Variants in LRRTM4 observed in about 807,000 individuals in gnomAD.
LRRTM4 encodes leucine-rich repeat transmembrane neuronal protein 4.
A neutral mutation model predicts 47.6 loss-of-function variants in LRRTM4; 25 were observed. The ratio of observed to expected loss-of-function variants is 0.53; its 90% confidence interval spans 0.38 to 0.73. The LOEUF (loss-of-function observed/expected upper bound fraction) is 0.73, where lower values mean the gene tolerates loss of function less well. Ranked by LOEUF, LRRTM4 falls within the 30% of genes least tolerant of loss-of-function variation. The pLI is 0.00. For synonymous variants in LRRTM4, 311 were observed against 269.5 expected, an observed-to-expected ratio of 1.15 and a Z score of -1.51; for missense variants, 638 against 713.4, an observed-to-expected ratio of 0.89 and a Z score of 1.20.
intron 3 of LRRTM4, among the ~76,000 whole-genome samples, chr2:77,479,688 C>A (rs1256708448): frequency 6.6e-6 from 1 of 152,118 alleles, no homozygotes; most frequent in African/African-American, 2.4e-5. Flanking sequence ...TTCTCTCTCT[C>A]TCTCTTTTTC....
At chr2:76,863,261 G>A (rs769760686) in intron 3 of LRRTM4, among the ~76,000 whole-genome samples, 1 of 151,906 alleles carries the variant, frequency 6.6e-6, no homozygotes, top group Non-Finnish European at 1.5e-5. Flanking sequence ...AGGTACTTAT[G>A]ACTGTTTTGA....
intron 3 of LRRTM4, among the ~76,000 whole-genome samples, chr2:77,123,510 T>C (rs762936122): frequency 2.0e-5 from 3 of 152,108 alleles, no homozygotes; most frequent in Non-Finnish European, 2.9e-5. Context: ...ATAACAGTGA[T>C]GTTAAGAACC....
chr2:77,432,352 C>T (rs1675414979), intron 3 of LRRTM4, among the ~76,000 whole-genome samples: 1 of 152,142 alleles, frequency 6.6e-6, no homozygotes, highest in Non-Finnish European at 1.5e-5. Context: ...CGTCGATTAG[C>T]TTTCAACATA....
At chr2:77,337,105 GTAAT>G (rs919948550) in intron 3 of LRRTM4, among the ~76,000 whole-genome samples, 12 of 152,140 alleles carry the variant, frequency 7.9e-5, no homozygotes, top group Admixed American at 3.3e-4. Flanking sequence ...ATTTAAGACT[GTAAT>G]TACATTTACA....
intron 3 of LRRTM4, among the ~76,000 whole-genome samples, chr2:77,170,521 A>G (rs533148790): frequency 2.9e-4 from 44 of 152,300 alleles, no homozygotes; most frequent in African/African-American, 1.0e-3. Flanking sequence ...CTTCTCACCA[A>G]TGGAGATCTT....
intron 3 of LRRTM4, among the ~76,000 whole-genome samples, chr2:76,865,414 C>A (rs994395176): frequency 6.6e-6 from 1 of 152,126 alleles, no homozygotes; most frequent in Non-Finnish European, 1.5e-5. Context: ...AGCTCAATGG[C>A]TATTTTTGAA....
intron 3 of LRRTM4, among the ~76,000 whole-genome samples, chr2:77,503,941 G>A (rs1678668784): frequency 6.6e-6 from 1 of 151,606 alleles, no homozygotes; most frequent in African/African-American, 2.4e-5. Flanking sequence ...ATGGCATAGT[G>A]GGCTCTAATG....
intron 3 of LRRTM4, among the ~76,000 whole-genome samples, chr2:77,143,777 A>G (rs1023913424): frequency 3.3e-5 from 5 of 152,198 alleles, no homozygotes; most frequent in African/African-American, 1.2e-4. Flanking sequence ...CAAAATCACT[A>G]GAGGATTTTT....
intron 3 of LRRTM4, among the ~76,000 whole-genome samples, chr2:77,040,570 T>C (rs919638892): frequency 1.3e-5 from 2 of 151,384 alleles, no homozygotes; most frequent in Non-Finnish European, 3.0e-5. Context: ...AGCAAAATAC[T>C]GTGGAGCCTT....
At chr2:77,130,002 A>C (rs1192813435) in intron 3 of LRRTM4, among the ~76,000 whole-genome samples, 2 of 152,206 alleles carry the variant, frequency 1.3e-5, no homozygotes, top group Non-Finnish European at 2.9e-5. Flanking sequence ...CTGTTTCTGA[A>C]AATAATTATT....
At chr2:77,080,956 TC>T (rs1480484540) in intron 3 of LRRTM4, among the ~76,000 whole-genome samples, 1 of 152,114 alleles carries the variant, frequency 6.6e-6, no homozygotes, top group African/African-American at 2.4e-5. Flanking sequence ...TCTGTCCACA[TC>T]CCCACTTCCC....
At chr2:77,257,678 A>G (rs528686562) in intron 3 of LRRTM4, among the ~76,000 whole-genome samples, 78 of 152,056 alleles carry the variant, frequency 5.1e-4, no homozygotes, top group African/African-American at 1.8e-3. Context: ...AAGCTGAGAA[A>G]TAACTTAGAT....
intron 3 of LRRTM4, among the ~76,000 whole-genome samples, chr2:77,311,512 AGTGTGG>A (rs1558682519): frequency 6.6e-6 from 1 of 152,222 alleles, no homozygotes; most frequent in Admixed American, 6.5e-5. Flanking sequence ...ACATCATTAA[AGTGTGG>A]GTGATTGATG....
At chr2:77,313,506 G>A (rs1239771857) in intron 3 of LRRTM4, among the ~76,000 whole-genome samples, 1 of 151,282 alleles carries the variant, frequency 6.6e-6, no homozygotes, top group East Asian at 2.0e-4. Context: ...TTGGTGTTGT[G>A]ATGTTCCTCC....
intron 3 of LRRTM4, among the ~76,000 whole-genome samples, chr2:77,419,023 T>G (rs1364769852): frequency 1.3e-5 from 2 of 152,208 alleles, no homozygotes; most frequent in African/African-American, 4.8e-5. Flanking sequence ...ATTATAAGTT[T>G]CACAAAGGCA....
intron 3 of LRRTM4, among the ~76,000 whole-genome samples, chr2:77,287,955 A>G (rs1676710732): frequency 6.6e-6 from 1 of 152,162 alleles, no homozygotes; most frequent in African/African-American, 2.4e-5. Context: ...AACAAAGGGT[A>G]ATGTATTCAC....
At chr2:77,347,736 T>C (rs540913025) in intron 3 of LRRTM4, among the ~76,000 whole-genome samples, 2 of 152,264 alleles carry the variant, frequency 1.3e-5, no homozygotes, top group South Asian at 2.1e-4. Flanking sequence ...TATAAAAGTT[T>C]CTAAACTTGA....
chr2:77,007,759 A>G (rs1452955520), intron 3 of LRRTM4, among the ~76,000 whole-genome samples: 1 of 152,190 alleles, frequency 6.6e-6, no homozygotes, highest in Non-Finnish European at 1.5e-5. Flanking sequence ...CATGTCTTCC[A>G]TTCGGCTTTA....
At chr2:76,949,038 T>A (rs1691994692) in intron 3 of LRRTM4, among the ~76,000 whole-genome samples, 1 of 151,916 alleles carries the variant, frequency 6.6e-6, no homozygotes, top group Non-Finnish European at 1.5e-5. Context: ...ATATTCCGTA[T>A]TTGCACCAAA....
Sources: gnomAD v4.1 joint callset for allele counts (sites outside exome capture counted in the v4.1 genomes callset) on GRCh38, gnomAD v4.1.1 for gene constraint, MANE v1.5 for transcripts, NCBI Gene and HGNC (gene_info 2026-07-23, HGNC 2026-07-21) for gene names.